Variants in GRIFIN observed in about 807,000 individuals in gnomAD.
The protein encoded by GRIFIN is galectin-related inter-fiber protein, also known as putative grifin.
Under a neutral mutation model 18.2 loss-of-function variants are expected in GRIFIN, and 22 were observed. That is an observed-to-expected ratio of 1.21 (90% CI 0.86 to 1.73). The LOEUF is 1.73. Among genes scored for constraint, GRIFIN ranks in the 40% most tolerant of loss-of-function variants. The pLI, the probability that GRIFIN is intolerant of heterozygous loss-of-function variation, is 0.00. For synonymous variants in GRIFIN, 101 were observed against 82.8 expected (o/e 1.22, Z -1.19); for missense variants, 200 against 190.1 (o/e 1.05, Z -0.31).
intron 3 of GRIFIN, 68 bp from the exon 4 acceptor site, chr7:2,475,375 C>T (rs749482039): frequency 4.0e-5 from 60 of 1,501,040 alleles, no homozygotes; most frequent in African/African-American, 6.9e-5. Context: ...CCGCTTTTAA[C>T]GGTGATGTGC....
rs1399772149 is a variant in GRIFIN at position 2,475,169 on chromosome 7, C to T, written c.391G>A (p.Glu131Lys). The T allele has an allele frequency of 1.3e-6, 2 of 1,589,724 alleles. No individual in the cohort carries two copies. Among genetic ancestry groups the T allele is most frequent in the African/African-American group, 2.7e-5 (2 of 74,710 alleles). The part of the protein sequence containing the change: ...VLSDHCLAQV[E>K]LAKRGLSWGD... ...CAGCTCAGGCCCCTCTTGGCCAGCT[C>T]CACCTGGGCCAGGCAGTGGTCACTC... Residue 131 changes from glutamate (E) to lysine (K), a missense_variant, in exon 4 of 5, where the codon GAG becomes AAG. Coordinates refer to ENST00000614228, the MANE Select transcript of GRIFIN (RefSeq NM_001394787.1).
intron 1 of GRIFIN, 105 bp from the exon 2 acceptor site, chr7:2,476,104 C>T: frequency 1.0e-6 from 1 of 995,138 alleles, no homozygotes; most frequent in Admixed American, 2.4e-5. Context: ...CCTGCCCACC[C>T]AGCCTGCCCC....
rs750521508 is a variant in GRIFIN at position 2,475,847 on chromosome 7, G to A, written c.93-19C>T. 110 of 1,577,590 alleles carry A rather than the reference G, an allele frequency of 7.0e-5. 1 individual carries two copies. The highest frequency in any genetic ancestry group is 3.7e-5 in the Non-Finnish European group (43 of 1,164,024). On this transcript the variant is annotated intron_variant, in intron 2 of 4. Transcript: ENST00000614228. Reference sequence around the variant, plus strand: ...CTCGAACCTGGGGCGGACATGGTGCGGGTCAAGAGCTGCAAAGAGCTGGGC... The same window carrying A: ...CTCGAACCTGGGGCGGACATGGTGCAGGTCAAGAGCTGCAAAGAGCTGGGC...
chr7:2,475,074 A>G (rs2115490443), intron 4 of GRIFIN, 67 bp downstream of exon 4: 2 of 1,498,028 alleles, frequency 1.3e-6, no homozygotes, highest in Non-Finnish European at 1.8e-6. Flanking sequence ...GAGAAGCAAA[A>G]TCCCTGCTGG....
chr7:2,475,772 C>A lies in GRIFIN; in HGVS notation c.149G>T (p.Arg50Leu), dbSNP rs370319215. The A allele has an allele frequency of 6.4e-7, 1 of 1,572,038 alleles. No homozygotes were observed. The change falls in exon 3 of 5, where the codon CGG becomes CTG. Residue 50 changes from arginine (R) to leucine (L), a missense_variant. Physicochemically the swap from Arg to Leu is moderately radical, Grantham distance 102 (BLOSUM62 -2). Coordinates refer to ENST00000614228, the MANE Select transcript of GRIFIN (RefSeq NM_001394787.1). Reference sequence around the variant, plus strand: ...GCCCACCACAGTGGCGCTGGAGAACCGGGGCTTGATGTGGAAGGCAATGTC... The same window carrying A: ...GCCCACCACAGTGGCGCTGGAGAACAGGGGCTTGATGTGGAAGGCAATGTC... ...TGDIAFHIKP[R>L]FSSATVVGNA...
At position 2,475,693 on chromosome 7, in the gene GRIFIN, C is replaced by T. The variant is rs777244247; in HGVS notation, c.228G>A (p.Pro76=). 22 of 1,527,522 alleles carry T rather than the reference C, an allele frequency of 1.4e-5. No individual in the cohort carries two copies. The highest frequency in any genetic ancestry group is 6.8e-5 in the African/African-American group (5 of 73,158). 94.6% of individuals were successfully genotyped at this position (1,527,522 alleles called of 1,614,324 possible). A position where few individuals can be genotyped will look rare whatever the true frequency, so the allele number is the denominator to read the frequency against. Residue 76 remains proline (P), a synonymous_variant, in exon 3 of 5, where the codon CCG becomes CCA. Coordinates refer to ENST00000614228, the MANE Select transcript of GRIFIN (RefSeq NM_001394787.1). ...WGPEQVSSIF[P]LAPGEPFEIE... Reference sequence around the variant, plus strand: ...CCTCAAAGGGCTCCCCCGGGGCCAGCGGGAAGATGCTAGACACCTGCTCCG... The same window carrying T: ...CCTCAAAGGGCTCCCCCGGGGCCAGTGGGAAGATGCTAGACACCTGCTCCG...
Position 2,475,745 on chromosome 7 carries a change from T to C in GRIFIN, c.176A>G (p.Asn59Ser), listed in dbSNP as rs765052327. ...PRFSSATVVG[N>S]AFQYGRWGPE... ...GCCCCAGCGGCCGTACTGGAAGGCA[T>C]TGCCCACCACAGTGGCGCTGGAGAA... Residue 59 changes from asparagine (N) to serine (S), a missense_variant, in exon 3 of 5, where the codon AAT becomes AGT. Transcript: ENST00000614228. 9.6e-6 allele frequency: 15 copies of C among 1,566,506 alleles called. No homozygotes were observed. The highest frequency in any genetic ancestry group is 4.6e-5 in the East Asian group (2 of 43,220).
intron 3 of GRIFIN, 147 bp from the exon 4 acceptor site, chr7:2,475,454 C>A: frequency 8.1e-7 from 1 of 1,234,442 alleles, no homozygotes; most frequent in Non-Finnish European, 1.1e-6. Context: ...GCCCCCAGCC[C>A]AAAGTCCCCT....
rs778956826 is a variant in GRIFIN, at chr7:2,475,967, G to A, written c.45C>T (p.Pro15=). 8.3e-5 allele frequency: 133 copies of A among 1,597,904 alleles called. No individual in the cohort carries two copies. Among genetic ancestry groups the A allele is most frequent in the Non-Finnish European group, 1.1e-4 (127 of 1,179,514 alleles). The change falls in exon 2 of 5, where the codon CCC becomes CCT. Residue 15 remains proline, a synonymous_variant. Transcript: ENST00000614228. The stretch of plus-strand genomic sequence containing the variant: ...GTCCCTGGACCAGCAGCTTCCAGCC[G>A]GGGGCCAGGCCGCCCGCACAGAAGG... ...SKAFCAGGLA[P]GWKLLVQGHA...
intron 3 of GRIFIN, 21 bp downstream of exon 3, chr7:2,475,648 C>A: frequency 6.8e-7 from 1 of 1,466,188 alleles, no homozygotes; most frequent in Non-Finnish European, 9.0e-7. Context: ...CTAGCCCAGG[C>A]CCCACCCAGG....
Position 2,475,258 on chromosome 7 carries a change from T to G in GRIFIN, c.302A>C (p.His101Pro). ...ACGGCATGGGAACTGTAGCACCTTG[T>G]GCTCCGGGGCGTAGACGTGGAAGTG... ...AEHFHVYAPE[H>P]KVLQFPCRQR... The change falls in exon 4 of 5, where the codon CAC becomes CCC. Residue 101 changes from histidine (H) to proline (P), a missense_variant. Transcript: ENST00000614228. 1 of 1,597,252 alleles carries G rather than the reference T, an allele frequency of 6.3e-7. No homozygotes were observed. The highest frequency in any genetic ancestry group is 8.5e-7 in the Non-Finnish European group (1 of 1,179,080).
In GRIFIN at chr7:2,475,308, C is replaced by G. The variant is rs1426487940; in HGVS notation, c.253-1G>C. 6.3e-6 allele frequency: 10 copies of G among 1,588,326 alleles called. No individual in the cohort carries two copies. The highest frequency in any genetic ancestry group is 1.3e-5 in the African/African-American group (1 of 74,794). The stretch of plus-strand genomic sequence containing the variant: ...GCTCCGCGTCCCAGCTGACCTCTAT[C>G]TGGGCAGGCTGGGGCCAGTGACCTC... On this transcript the variant is annotated splice_acceptor_variant, in intron 3 of 4. Coordinates refer to ENST00000614228, the MANE Select transcript of GRIFIN (RefSeq NM_001394787.1). LOFTEE classifies it high-confidence loss of function.
At position 2,475,992 on chromosome 7, in the gene GRIFIN, G is replaced by A; in HGVS notation, c.20C>T (p.Ala7Val). 6.3e-7 allele frequency: 1 copy of A among 1,597,730 alleles called. No homozygotes were observed. Among genetic ancestry groups the A allele is most frequent in the Non-Finnish European group, 8.5e-7 (1 of 1,179,560 alleles). MAVQSKAFCAGGLAPGW... is the reference protein window; with the variant it reads MAVQSKVFCAGGLAPGW... ...GGGGGCCAGGCCGCCCGCACAGAAG[G>A]CTTTAGACTGAGTGGAAGAGACAGG... is the stretch of plus-strand genomic sequence containing the variant. Residue 7 changes from alanine (A) to valine (V), a missense_variant, in exon 2 of 5, where the codon GCC becomes GTC. Physicochemically the swap from Ala to Val is moderately conservative, Grantham distance 64. Transcript: ENST00000614228.
Position 2,475,222 on chromosome 7 carries a change from A to G in GRIFIN, c.338T>C (p.Leu113Pro), listed in dbSNP as rs755995564. Residue 113 changes from leucine to proline, a missense_variant, in exon 4 of 5, where the codon CTG becomes CCG. Transcript: ENST00000614228. ...CACGCGCACCCTGGTGGTGGCGCCC[A>G]GCGGCCTCTGACGGCATGGGAACTG... is the stretch of plus-strand genomic sequence containing the variant. Reference protein sequence around the residue: ...VLQFPCRQRPLGATTRVRVLS... With the variant: ...VLQFPCRQRPPGATTRVRVLS... 1.9e-6 allele frequency: 3 copies of G among 1,597,112 alleles called. No individual in the cohort carries two copies. Among genetic ancestry groups the G allele is most frequent in the Middle Eastern group, 1.7e-4 (1 of 6,012 alleles).
chr7:2,475,919 C>G lies in GRIFIN; in HGVS notation c.92+1G>C, dbSNP rs368869728. ...AGCGAGGGGAGGGCGGTGCCGCTGA[C>G]CTGTCCTCTCCAGAGTCAGCATGTC... On this transcript the variant is annotated splice_donor_variant, in intron 2 of 4. Coordinates refer to ENST00000614228, the MANE Select transcript of GRIFIN (RefSeq NM_001394787.1). LOFTEE classifies it high-confidence loss of function. 1.9e-3 allele frequency: 2,981 copies of G among 1,598,264 alleles called. 3 individuals carry two copies. The highest frequency in any genetic ancestry group is 2.3e-3 in the Non-Finnish European group (2,684 of 1,179,600).
chr7:2,475,841 T>C lies in GRIFIN; in HGVS notation c.93-13A>G, dbSNP rs1294055228. 1 of 1,575,976 alleles carries C rather than the reference T, an allele frequency of 6.3e-7. No individual in the cohort carries two copies. Among genetic ancestry groups the C allele is most frequent in the South Asian group, 1.1e-5 (1 of 89,876 alleles). On this transcript the variant is annotated splice_polypyrimidine_tract_variant and intron_variant, in intron 2 of 4. Coordinates refer to ENST00000614228, the MANE Select transcript of GRIFIN (RefSeq NM_001394787.1). ...GTTAGTCTCGAACCTGGGGCGGACA[T>C]GGTGCGGGTCAAGAGCTGCAAAGAG...
intron 4 of GRIFIN, 73 bp from the exon 5 acceptor site, chr7:2,474,958 G>A: frequency 2.9e-6 from 2 of 678,954 alleles, no homozygotes; most frequent in Non-Finnish European, 4.9e-6. Context: ...GTGGACCATG[G>A]CCCTGCTCCC....
In GRIFIN at chr7:2,475,296, G is replaced by C. The variant is rs754724017; in HGVS notation, c.264C>G (p.Ser88Arg). The C allele has an allele frequency of 6.3e-6, 10 of 1,593,478 alleles. No individual in the cohort carries two copies. Among genetic ancestry groups the C allele is most frequent in the Non-Finnish European group, 7.6e-6 (9 of 1,177,626 alleles). The change falls in exon 4 of 5, where the codon AGC becomes AGG. Residue 88 changes from serine (S) to arginine (R), a missense_variant. Transcript: ENST00000614228. ...APGEPFEIEVSWDAEHFHVYA... is the reference protein window; with the variant it reads ...APGEPFEIEVRWDAEHFHVYA... ...AGACGTGGAAGTGCTCCGCGTCCCA[G>C]CTGACCTCTATCTGGGCAGGCTGGG...
In GRIFIN at chr7:2,475,843, G is replaced by A. The variant is rs372415224; in HGVS notation, c.93-15C>T. Reference sequence around the variant, plus strand: ...TAGTCTCGAACCTGGGGCGGACATGGTGCGGGTCAAGAGCTGCAAAGAGCT... The same window carrying A: ...TAGTCTCGAACCTGGGGCGGACATGATGCGGGTCAAGAGCTGCAAAGAGCT... On this transcript the variant is annotated splice_polypyrimidine_tract_variant and intron_variant, in intron 2 of 4. Coordinates refer to ENST00000614228, the MANE Select transcript of GRIFIN (RefSeq NM_001394787.1). 1.8e-4 allele frequency: 285 copies of A among 1,577,428 alleles called. No individual in the cohort carries two copies. Among genetic ancestry groups the A allele is most frequent in the Non-Finnish European group, 4.1e-5 (48 of 1,163,860 alleles).
Sources: gnomAD v4.1 joint callset for allele counts on GRCh38, gnomAD v4.1.1 for gene constraint, MANE v1.5 for transcripts, NCBI Gene and HGNC (gene_info 2026-07-23, HGNC 2026-07-21) for gene names.